The following SLC39A11 variants were observed in gnomAD, a reference collection of about 807,000 sequenced individuals.
The protein encoded by SLC39A11 is zinc transporter ZIP11.
In SLC39A11, 33 loss-of-function variants were observed where a neutral mutation model predicts 36.1. The ratio of observed to expected loss-of-function variants is 0.91; its 90% CI spans 0.69 to 1.22. The LOEUF (loss-of-function observed/expected upper bound fraction) is 1.22, where lower values mean the gene tolerates loss of function less well. Ranked by LOEUF, SLC39A11 falls within the 50% of genes most tolerant of loss-of-function variation. The pLI is 0.00. For missense variants in SLC39A11, 432 were observed against 430.3 expected (o/e 1.00, Z -0.03); for synonymous variants, 166 against 170.3 (o/e 0.97, Z 0.20).
At chr17:73,079,387 G>A (rs1006256267) in intron 3 of SLC39A11, among the ~76,000 whole-genome samples, 7 of 151,998 alleles carry the variant, frequency 4.6e-5, no homozygotes, top group Non-Finnish European at 7.4e-5. Context: ...ATAAGCCACC[G>A]CACCCAGCCA....
chr17:73,059,449 C>T (rs1170335117), intron 3 of SLC39A11, among the ~76,000 whole-genome samples: 4 of 151,984 alleles, frequency 2.6e-5, no homozygotes, highest in African/African-American at 9.7e-5. Context: ...GGCAGATCAC[C>T]TGAGGTCAGG....
rs200806377 is a variant in SLC39A11, at chr17:72,662,633, AAG to A, written c.672-13367_672-13366del. Reference sequence around the variant, plus strand: ...AAGGAAGGAGAGAAGAAAGAGAAGAAAGAGAGAAAGAAAAAGAAAAAAGAAAA... The same window carrying A: ...AAGGAAGGAGAGAAGAAAGAGAAGAAAGAGAAAGAAAAAGAAAAAAGAAAA... On this transcript the variant is annotated intron_variant, in intron 7 of 9. Coordinates refer to ENST00000255559, the MANE Select transcript of SLC39A11 (RefSeq NM_139177.4). Among the ~76,000 whole-genome samples the A allele has an allele frequency of 8.5e-3, 1,270 of 149,078 alleles. 11 individuals carry two copies. The highest frequency in any genetic ancestry group is 0.012 in the Non-Finnish European group (819 of 67,166).
intron 4 of SLC39A11, among the ~76,000 whole-genome samples, chr17:72,989,858 G>A (rs755324363): frequency 1.3e-5 from 2 of 152,184 alleles, no homozygotes; most frequent in Non-Finnish European, 2.9e-5. Context: ...CTTATTTAGG[G>A]ACATAACTGT....
intron 4 of SLC39A11, among the ~76,000 whole-genome samples, chr17:73,012,140 G>A (rs566449689): frequency 6.6e-6 from 1 of 152,036 alleles, no homozygotes; most frequent in South Asian, 2.1e-4. Flanking sequence ...GCCGGGCGTG[G>A]TGGCAGGCGC....
intron 6 of SLC39A11, among the ~76,000 whole-genome samples, chr17:72,792,714 G>A (rs1454964136): frequency 1.3e-5 from 2 of 152,180 alleles, no homozygotes; most frequent in Non-Finnish European, 2.9e-5. Context: ...ATGCAGGCCA[G>A]GTCGCGGAGG....
chr17:73,014,856 C>T (rs1177612732), intron 4 of SLC39A11, among the ~76,000 whole-genome samples: 1 of 152,128 alleles, frequency 6.6e-6, no homozygotes, highest in Non-Finnish European at 1.5e-5. Context: ...TGTATTCGTG[C>T]GTGACATCTT....
At chr17:72,832,904 T>C (rs1422310865) in intron 6 of SLC39A11, among the ~76,000 whole-genome samples, 1 of 152,128 alleles carries the variant, frequency 6.6e-6, no homozygotes, top group Non-Finnish European at 1.5e-5. Context: ...TTGGGAAAAA[T>C]GGGGCCACCT....
chr17:72,997,338 C>T (rs2089580398), intron 4 of SLC39A11, among the ~76,000 whole-genome samples: 1 of 152,170 alleles, frequency 6.6e-6, no homozygotes, highest in African/African-American at 2.4e-5. Flanking sequence ...ACTGCAACCT[C>T]CGCCTCCCAG....
At chr17:72,699,373 T>C (rs2072495602) in intron 7 of SLC39A11, among the ~76,000 whole-genome samples, 2 of 152,212 alleles carry the variant, frequency 1.3e-5, no homozygotes, top group African/African-American at 4.8e-5. Context: ...ATGTGACCTG[T>C]GGGCCATGGG....
intron 7 of SLC39A11, among the ~76,000 whole-genome samples, chr17:72,701,574 A>G (rs960191684): frequency 6.6e-6 from 1 of 151,930 alleles, no homozygotes; most frequent in African/African-American, 2.4e-5. Context: ...CTAAAAATAC[A>G]AAAATTAGCC....
intron 5 of SLC39A11, among the ~76,000 whole-genome samples, chr17:72,915,877 G>A (rs565335351): frequency 1.3e-5 from 2 of 152,238 alleles, no homozygotes; most frequent in South Asian, 2.1e-4. Flanking sequence ...GGGAACCTTC[G>A]CTTTCTTTTC....
At chr17:72,777,414 G>C (rs1036317549) in intron 6 of SLC39A11, among the ~76,000 whole-genome samples, 1 of 152,064 alleles carries the variant, frequency 6.6e-6, no homozygotes, top group Non-Finnish European at 1.5e-5. Context: ...TTGGAAATAA[G>C]GTCTTTACAG....
At chr17:72,766,909 C>T (rs1269251178) in intron 6 of SLC39A11, among the ~76,000 whole-genome samples, 1 of 152,174 alleles carries the variant, frequency 6.6e-6, no homozygotes, top group Non-Finnish European at 1.5e-5. Flanking sequence ...TGACCAGAGA[C>T]ATGCCAGCCC....
At chr17:72,753,429 G>A (rs2075232170) in intron 6 of SLC39A11, among the ~76,000 whole-genome samples, 1 of 152,012 alleles carries the variant, frequency 6.6e-6, no homozygotes, top group Admixed American at 6.6e-5. Flanking sequence ...AAGAATTCTG[G>A]CAATTATACG....
chr17:72,873,766 C>T (rs956501107), intron 5 of SLC39A11, among the ~76,000 whole-genome samples: 8 of 152,104 alleles, frequency 5.3e-5, no homozygotes, highest in Non-Finnish European at 1.0e-4. Flanking sequence ...GTTTCGCTCC[C>T]AGAAACGGTT....
rs183237479 is a variant in SLC39A11, at chr17:73,089,297, A to G, written c.-11-522T>C. Among the ~76,000 whole-genome samples, 260 of 151,316 alleles carry G rather than the reference A, an allele frequency of 1.7e-3. 1 individual carries two copies. Among genetic ancestry groups the G allele is most frequent in the African/African-American group, 6.1e-3 (250 of 41,214 alleles). On this transcript the variant is annotated intron_variant, in intron 1 of 9. Transcript: ENST00000255559. ...TAAACTCCACCAACCAACTTTTGAT[A>G]CCCACCAACCCCCGACTCTCCAATC...
At chr17:72,866,256 G>T (rs1370798717) in intron 5 of SLC39A11, among the ~76,000 whole-genome samples, 1 of 152,172 alleles carries the variant, frequency 6.6e-6, no homozygotes, top group Admixed American at 6.5e-5. Context: ...TAGGTTGCAT[G>T]CTCCTTATGA....
chr17:73,084,625 G>T (rs1294252294), intron 3 of SLC39A11, among the ~76,000 whole-genome samples, 183 bp downstream of exon 3: 1 of 152,108 alleles, frequency 6.6e-6, no homozygotes, highest in Non-Finnish European at 1.5e-5. Flanking sequence ...GCTGTCTAAA[G>T]AGAAATGGGC....
intron 6 of SLC39A11, among the ~76,000 whole-genome samples, chr17:72,745,153 A>T (rs1049603696): frequency 4.6e-5 from 7 of 152,204 alleles, no homozygotes; most frequent in African/African-American, 1.7e-4. Flanking sequence ...CACATTTTTG[A>T]GAAACACAAA....
Sources: allele counts gnomAD v4.1 joint callset (sites outside exome capture counted in the v4.1 genomes callset), GRCh38; gene constraint gnomAD v4.1.1; transcripts MANE v1.5; gene names NCBI Gene and HGNC (gene_info 2026-07-23, HGNC 2026-07-21).